The following EPHB2 variants were observed in gnomAD, a reference collection of about 807,000 sequenced individuals.
EPHB2 encodes the protein ephrin type-B receptor 2.
Under a neutral mutation model 96.4 loss-of-function variants are expected in EPHB2, and 18 were observed. The observed-to-expected ratio is 0.19, with a 90% CI of 0.13 to 0.28. EPHB2 has a LOEUF of 0.28. EPHB2 is among the 10% of genes least tolerant of loss of function. The pLI is 1.00. For missense variants in EPHB2, 989 were observed against 1,355.4 expected, an observed-to-expected ratio of 0.73 and a Z score of 4.25; for synonymous variants, 506 against 534.1, an observed-to-expected ratio of 0.95 and a Z score of 0.72.
chr1:22,862,928 G>T, intron 3 of EPHB2, 109 bp from the exon 4 acceptor site: 1 of 1,402,792 alleles, frequency 7.1e-7, no homozygotes, highest in Non-Finnish European at 1.0e-6. Context: ...CAGTGGTGCT[G>T]CATGGCCCCT....
intron 5 of EPHB2, among the ~76,000 whole-genome samples, chr1:22,867,758 G>C (rs568570994): frequency 4.6e-5 from 7 of 152,316 alleles, no homozygotes; most frequent in African/African-American, 1.7e-4. Flanking sequence ...TGCAATCCCA[G>C]CTACTCGAGA....
chr1:22,895,604 C>T (rs1639533246), intron 8 of EPHB2, 24 bp downstream of exon 8: 1 of 1,606,364 alleles, frequency 6.2e-7, no homozygotes, highest in Non-Finnish European at 8.5e-7. Context: ...CCAGGCTTGG[C>T]CAGGCCTGGC....
chr1:22,733,073 A>C lies in EPHB2; in HGVS notation c.61+22030A>C, dbSNP rs1643752984. The stretch of plus-strand genomic sequence containing the variant: ...TCTTTCTTTCTTTCTTTTTTTTTGG[A>C]GTTTCGCTCTTGTCGCCCAGACTGG... On this transcript the variant is annotated intron_variant, in intron 1 of 15. Coordinates refer to ENST00000374630, the MANE Select transcript of EPHB2 (RefSeq NM_017449.5). The surrounding 1 kb of genome is among the most constrained non-coding windows in gnomAD (Gnocchi z 4.6). Among the ~76,000 whole-genome samples, 1 of 147,088 alleles carries C rather than the reference A, an allele frequency of 6.8e-6. No homozygotes were observed. The highest frequency in any genetic ancestry group is 2.5e-5 in the African/African-American group (1 of 39,580).
intron 3 of EPHB2, among the ~76,000 whole-genome samples, chr1:22,827,143 G>C (rs1290579182): frequency 6.6e-6 from 1 of 152,188 alleles, no homozygotes; most frequent in African/African-American, 2.4e-5. Flanking sequence ...CCCCTCCCTT[G>C]CTCATGGAAA....
chr1:22,836,518 A>G (rs1645387774), intron 3 of EPHB2, among the ~76,000 whole-genome samples: 1 of 152,208 alleles, frequency 6.6e-6, no homozygotes, highest in South Asian at 2.1e-4. Flanking sequence ...GGAGTGCGTA[A>G]TGGCTACTGC....
At chr1:22,886,788 G>A (rs567435952) in intron 6 of EPHB2, among the ~76,000 whole-genome samples, 9 of 151,932 alleles carry the variant, frequency 5.9e-5, no homozygotes, top group East Asian at 3.9e-4. Context: ...CACCATGCCC[G>A]GCTAATTTTG....
chr1:22,805,955 A>G (rs578155204), intron 3 of EPHB2, among the ~76,000 whole-genome samples: 1 of 152,296 alleles, frequency 6.6e-6, no homozygotes, highest in South Asian at 2.1e-4. Context: ...GAGGGAGCTG[A>G]GACCATCCAT....
At chr1:22,820,646 G>A (rs1241210411) in intron 3 of EPHB2, among the ~76,000 whole-genome samples, 2 of 152,222 alleles carry the variant, frequency 1.3e-5, no homozygotes, top group South Asian at 2.1e-4. Context: ...CACTCCAGCC[G>A]GGGTGACAGA....
At chr1:22,885,084 C>A (rs309478) in intron 6 of EPHB2, among the ~76,000 whole-genome samples, 73,298 of 151,732 alleles carry the variant, frequency 0.48, 18,081 homozygotes, top group Non-Finnish European at 0.51. Context: ...GGGAAGCAGC[C>A]CCACCCCTCA....
rs551776379 is a variant in EPHB2 at position 22,820,127 on chromosome 1, C to T, written c.811+35051C>T. 2.0e-5 allele frequency among the ~76,000 whole-genome samples: 3 copies of T among 152,274 alleles called. No individual in the cohort carries two copies. In the East Asian group the frequency reaches 5.8e-4, roughly 29 times the overall value. ...TCCCCAGGAAAAGGGGAGGCAGGCT[C>T]AGAAAGGTGGTGAGACCTAGCTAAG... On this transcript the variant is annotated intron_variant, in intron 3 of 15. Coordinates refer to ENST00000374630, the MANE Select transcript of EPHB2 (RefSeq NM_017449.5).
intron 6 of EPHB2, among the ~76,000 whole-genome samples, chr1:22,890,105 C>T (rs1639344750): frequency 6.6e-6 from 1 of 152,106 alleles, no homozygotes; most frequent in Admixed American, 6.5e-5. Context: ...TCGGCCTTCA[C>T]CCTGTGGGCA....
intron 3 of EPHB2, among the ~76,000 whole-genome samples, chr1:22,855,453 G>A (rs1557714859): frequency 6.6e-6 from 1 of 152,212 alleles, no homozygotes; most frequent in Non-Finnish European, 1.5e-5. Context: ...TCAGCCCCCT[G>A]CTTAGTCATG....
At chr1:22,905,086 G>A (rs889663791) in intron 9 of EPHB2, among the ~76,000 whole-genome samples, 1 of 152,180 alleles carries the variant, frequency 6.6e-6, no homozygotes, top group African/African-American at 2.4e-5. Flanking sequence ...TCTGGGAGGC[G>A]GAAGATGGAT....
intron 6 of EPHB2, among the ~76,000 whole-genome samples, chr1:22,885,301 T>A (rs1639189167): frequency 6.6e-6 from 1 of 151,838 alleles, no homozygotes; most frequent in Non-Finnish European, 1.5e-5. Flanking sequence ...GCAACGGAAA[T>A]GAGGAATCCC....
chr1:22,897,479 G>T lies in EPHB2; in HGVS notation c.1765+1001G>T, dbSNP rs533984506. ...ACATATGCCAGGCACTGTTCTAGGTGCTGGGGATCCCAGCACCTGGTCATA... is the reference window on the plus strand; with the variant it reads ...ACATATGCCAGGCACTGTTCTAGGTTCTGGGGATCCCAGCACCTGGTCATA... On this transcript the variant is annotated intron_variant, in intron 9 of 15. Coordinates refer to ENST00000374630, the MANE Select transcript of EPHB2 (RefSeq NM_017449.5). 4.9e-4 allele frequency among the ~76,000 whole-genome samples: 75 copies of T among 152,162 alleles called. 1 individual carries two copies. Among genetic ancestry groups the T allele is most frequent in the African/African-American group, 1.2e-4 (5 of 41,538 alleles).
At position 22,858,657 on chromosome 1, in the gene EPHB2, G is replaced by A. The variant is rs192646773; in HGVS notation, c.812-4380G>A. 1.3e-5 allele frequency among the ~76,000 whole-genome samples: 2 copies of A among 152,314 alleles called. No individual in the cohort carries two copies. Among genetic ancestry groups the A allele is most frequent in the Non-Finnish European group, 1.5e-5 (1 of 68,032 alleles). On this transcript the variant is annotated intron_variant, in intron 3 of 15. Coordinates refer to ENST00000374630, the MANE Select transcript of EPHB2 (RefSeq NM_017449.5). The surrounding 1 kb of genome is among the most constrained non-coding windows in gnomAD (Gnocchi z 7.7). Reference sequence around the variant, plus strand: ...TTCCCTTCCCACCCAGAAGTTGGGAGTGGTGTGGCCCCCCGGGCACTGTGG... The same window carrying A: ...TTCCCTTCCCACCCAGAAGTTGGGAATGGTGTGGCCCCCCGGGCACTGTGG...
intron 3 of EPHB2, among the ~76,000 whole-genome samples, chr1:22,808,499 C>T (rs535389227): frequency 6.6e-6 from 1 of 152,352 alleles, no homozygotes; most frequent in Admixed American, 6.5e-5. Flanking sequence ...CCAGAAGGGG[C>T]CCGAGGCCAA....
chr1:22,785,157 C>A, intron 3 of EPHB2, 81 bp downstream of exon 3: 3 of 1,559,252 alleles, frequency 1.9e-6, no homozygotes, highest in Non-Finnish European at 2.6e-6. Flanking sequence ...AGACTTGGGC[C>A]TGGCCTCTGA....
intron 3 of EPHB2, among the ~76,000 whole-genome samples, chr1:22,826,722 A>G (rs1043546728): frequency 2.0e-5 from 3 of 151,888 alleles, no homozygotes; most frequent in African/African-American, 7.3e-5. Context: ...AGCCTGACAC[A>G]GGTCCGGACC....
Sources: gnomAD v4.1 joint callset for allele counts (sites outside exome capture counted in the v4.1 genomes callset) on GRCh38, gnomAD v4.1.1 for gene constraint, Gnocchi (gnomAD v3.1) non-coding constraint, MANE v1.5 for transcripts, NCBI Gene and HGNC (gene_info 2026-07-23, HGNC 2026-07-21) for gene names.